KLC4: variants seen among roughly 807,000 people sequenced by gnomAD.
The protein encoded by KLC4 is kinesin light chain 4.
KLC4 carries 49 observed loss-of-function variants against 77.2 expected under a neutral mutation model. The observed-to-expected ratio is 0.63, with a 90% CI of 0.50 to 0.80. The LOEUF (loss-of-function observed/expected upper bound fraction) is 0.80, where lower values mean the gene tolerates loss of function less well. Among genes scored for constraint, KLC4 ranks in the 30% least tolerant of loss-of-function variants. The pLI is 0.00. For synonymous variants in KLC4, 274 were observed against 314.5 expected (o/e 0.87, Z 1.36); for missense variants, 669 against 793.5 (o/e 0.84, Z 1.89).
chr6:43,073,634 C>T (rs1272671915), intron 14 of KLC4: 4 of 521,452 alleles, frequency 7.7e-6, no homozygotes, highest in Non-Finnish European at 1.3e-5. Flanking sequence ...GCGACAACAG[C>T]GAGACTCCGT....
chr6:43,059,997 CA>C, intron 1 of KLC4: 1 of 1,394,048 alleles, frequency 7.2e-7, no homozygotes, highest in South Asian at 1.5e-5. Context: ...CTCACTCTCC[CA>C]ACCCTGGGCA....
intron 8 of KLC4, 31 bp from the exon 9 acceptor site, chr6:43,071,244 G>C: frequency 1.0e-6 from 1 of 958,612 alleles, no homozygotes; most frequent in Non-Finnish European, 1.7e-6. Flanking sequence ...TCCATGTTTT[G>C]TTCCTGTATT....
Position 43,066,498 on chromosome 6 carries a change from T to C in KLC4, c.764T>C (p.Met255Thr), listed in dbSNP as rs1244536788. The C allele has an allele frequency of 3.1e-6, 5 of 1,613,470 alleles. No homozygotes were observed. The highest frequency in any genetic ancestry group is 1.1e-5 in the South Asian group (1 of 91,076). Residue 255 changes from methionine (M) to threonine (T), a missense_variant, in exon 5 of 16, where the codon ATG becomes ACG. By Grantham distance (81) the Met-to-Thr change is moderately conservative (BLOSUM62 -1). Transcript: ENST00000347162. ...CGTGGCCACCCTGATGTCGCCACCATGCTCAACATCCTTGCTTTGGTGTAT... is the reference window on the plus strand; with the variant it reads ...CGTGGCCACCCTGATGTCGCCACCACGCTCAACATCCTTGCTTTGGTGTAT... Reference protein sequence around the residue: ...SGRGHPDVATMLNILALVYRD... With the variant: ...SGRGHPDVATTLNILALVYRD...
In KLC4 at chr6:43,073,955, C is replaced by T; in HGVS notation, c.1799C>T (p.Ala600Val). The change falls in exon 15 of 16, where the codon GCA (alanine) becomes GTA (valine). Residue 600 changes from alanine (A) to valine (V), a missense_variant. Coordinates refer to ENST00000347162, the MANE Select transcript of KLC4 (RefSeq NM_201521.3). ...AACTATCTGAACCAACCTAGTGCAGCACCCCTCCAGGTGAGAGCAGTGCTT... is the reference window on the plus strand; with the variant it reads ...AACTATCTGAACCAACCTAGTGCAGTACCCCTCCAGGTGAGAGCAGTGCTT... ...SLNYLNQPSA[A>V]PLQVSRGLSA... 1 of 1,610,506 alleles carries T rather than the reference C, an allele frequency of 6.2e-7. No homozygotes were observed. The highest frequency in any genetic ancestry group is 8.5e-7 in the Non-Finnish European group (1 of 1,178,104).
At chr6:43,073,098 A>G in intron 13 of KLC4, 125 bp from the exon 14 acceptor site, 1 of 1,353,750 alleles carries the variant, frequency 7.4e-7, no homozygotes, top group Non-Finnish European at 1.0e-6. Flanking sequence ...TTTTGACAGG[A>G]CTTTTATTTC....
chr6:43,070,296 G>C, intron 6 of KLC4, 58 bp from the exon 7 acceptor site: 1 of 1,231,236 alleles, frequency 8.1e-7, no homozygotes, highest in Non-Finnish European at 1.2e-6. Context: ...GGGAACCTCA[G>C]ATTCCCATAG....
At chr6:43,067,848 C>T (rs1430988605) in intron 6 of KLC4, among the ~76,000 whole-genome samples, 2 of 98,094 alleles carry the variant, frequency 2.0e-5, no homozygotes, top group Admixed American at 2.0e-4. Context: ...CGCGGTGGCT[C>T]ACGCCTGTAA....
Position 43,061,444 on chromosome 6 carries a change from C to T in KLC4, c.109C>T (p.Arg37Cys), listed in dbSNP as rs767309388. ...RLVSQGLEALRSEHQAVLQSL... is the reference protein window; with the variant it reads ...RLVSQGLEALCSEHQAVLQSL... ...GGTCAGCCAAGGGCTAGAGGCCCTA[C>T]GCAGTGAACACCAGGCCGTGCTGCA... Residue 37 changes from arginine to cysteine, a missense_variant, in exon 2 of 16, where the codon CGC (arginine) becomes TGC (cysteine). Physicochemically the swap from Arg to Cys is radical, Grantham distance 180. Transcript: ENST00000347162. The T allele has an allele frequency of 2.1e-5, 34 of 1,614,178 alleles. No individual in the cohort carries two copies. The highest frequency in any genetic ancestry group is 1.7e-4 in the Middle Eastern group (1 of 6,058).
chr6:43,065,556 G>A (rs1765376874), intron 3 of KLC4, 64 bp from the exon 4 acceptor site: 1 of 1,048,320 alleles, frequency 9.5e-7, no homozygotes, highest in Non-Finnish European at 1.5e-6. Context: ...GGCTTAGAGG[G>A]GTCACTGAGA....
chr6:43,068,685 G>A (rs187565456), intron 6 of KLC4, among the ~76,000 whole-genome samples: 2 of 151,998 alleles, frequency 1.3e-5, no homozygotes, highest in African/African-American at 2.4e-5. Context: ...GGTGGCATAT[G>A]CCTGTAATCC....
In KLC4 at chr6:43,075,038, T is replaced by C. The variant is rs1765925593; in HGVS notation, c.*366T>C. On this transcript the variant is annotated 3_prime_UTR_variant, in exon 16 of 16. Transcript: ENST00000347162. ...CCGCTCTTACTCCCTCCCTCTGCTGTCTCACTTCAGGTCCATGTATTTCAC... is the reference window on the plus strand; with the variant it reads ...CCGCTCTTACTCCCTCCCTCTGCTGCCTCACTTCAGGTCCATGTATTTCAC... 1 of 275,316 alleles carries C rather than the reference T, an allele frequency of 3.6e-6. No individual in the cohort carries two copies. Among genetic ancestry groups the C allele is most frequent in the Non-Finnish European group, 7.0e-6 (1 of 143,668 alleles). 17.1% of individuals were successfully genotyped at this position (275,316 alleles called of 1,614,324 possible).
At chr6:43,070,931 G>GA in intron 8 of KLC4, 66 bp downstream of exon 8, 1 of 487,864 alleles carries the variant, frequency 2.0e-6, no homozygotes, top group South Asian at 1.9e-5. Flanking sequence ...GGGGGAGGGG[G>GA]GGCAGGCGGA....
At chr6:43,073,372 C>A in intron 14 of KLC4, 34 bp downstream of exon 14, 1 of 1,490,604 alleles carries the variant, frequency 6.7e-7, no homozygotes, top group Non-Finnish European at 9.3e-7. Flanking sequence ...GTAAAGTGGC[C>A]GGGTGCAGTG....
chr6:43,073,383 G>A (rs2150359865), intron 14 of KLC4, 45 bp downstream of exon 14: 1 of 1,388,640 alleles, frequency 7.2e-7, no homozygotes, highest in South Asian at 1.2e-5. Context: ...GGGTGCAGTG[G>A]CTCACGCCTG....
chr6:43,061,143 G>A, intron 1 of KLC4, 168 bp from the exon 2 acceptor site: 2 of 673,782 alleles, frequency 3.0e-6, no homozygotes, highest in Non-Finnish European at 5.1e-6. Context: ...TTAGCTTTGA[G>A]TTTAGTGATC....
Position 43,074,749 on chromosome 6 carries a change from C to T in KLC4, c.*77C>T, listed in dbSNP as rs569400147. Reference sequence around the variant, plus strand: ...ACAGCATTCCCCATTGCTCCTGGCTCTTCCCCACCCCTAGGTGGGACAGTG... The same window carrying T: ...ACAGCATTCCCCATTGCTCCTGGCTTTTCCCCACCCCTAGGTGGGACAGTG... On this transcript the variant is annotated 3_prime_UTR_variant, in exon 16 of 16. Transcript: ENST00000347162. The T allele has an allele frequency of 7.4e-6, 9 of 1,211,382 alleles. No individual in the cohort carries two copies. The African/African-American group carries it at 1.0e-4, about 14-fold the overall frequency. The allele number at this position is 1,211,382 out of a possible 1,614,324, so 75.0% of individuals were successfully genotyped here.
intron 15 of KLC4, 68 bp from the exon 16 acceptor site, chr6:43,074,554 G>A: frequency 7.8e-7 from 1 of 1,287,940 alleles, no homozygotes; most frequent in South Asian, 1.2e-5. Flanking sequence ...TGGGATGGAT[G>A]GACTCTAGGA....
At chr6:43,060,093 C>T in intron 1 of KLC4, 1 of 1,544,616 alleles carries the variant, frequency 6.5e-7, no homozygotes, top group Middle Eastern at 1.8e-4. Context: ...TTCCTTGCGA[C>T]CCGGCAGCCG....
rs2150357727 is a variant in KLC4, at chr6:43,070,836, C to T, written c.1126C>T (p.Pro376Ser). The T allele has an allele frequency of 6.2e-7, 1 of 1,610,846 alleles. No homozygotes were observed. The highest frequency in any genetic ancestry group is 1.4e-5 in the African/African-American group (1 of 74,014). The change falls in exon 8 of 16, where the codon CCT becomes TCT. Residue 376 changes from proline (P) to serine (S), a missense_variant. By Grantham distance (74) the Pro-to-Ser change is moderately conservative. Coordinates refer to ENST00000347162, the MANE Select transcript of KLC4 (RefSeq NM_201521.3). Reference sequence around the variant, plus strand: ...CGAGGGGCAGCTGGGGCCGGACAACCCTAATGTAGCCCGGACCAAGAACAA... The same window carrying T: ...CGAGGGGCAGCTGGGGCCGGACAACTCTAATGTAGCCCGGACCAAGAACAA... ...IYEGQLGPDNPNVARTKNNLA... is the reference protein window; with the variant it reads ...IYEGQLGPDNSNVARTKNNLA...
Sources: gnomAD v4.1 joint callset for allele counts (sites outside exome capture counted in the v4.1 genomes callset) on GRCh38, gnomAD v4.1.1 for gene constraint, MANE v1.5 for transcripts, NCBI Gene and HGNC (gene_info 2026-07-23, HGNC 2026-07-21) for gene names.